Variants in GALNT13 observed in about 807,000 individuals in gnomAD.
GALNT13 encodes the protein polypeptide N-acetylgalactosaminyltransferase 13, also known as UDP-GalNAc:polypeptide N-acetylgalactosaminyltransferase 13.
A neutral mutation model predicts 64.2 loss-of-function variants in GALNT13; 28 were observed. That is an observed-to-expected ratio of 0.44 (90% CI 0.32 to 0.60). GALNT13 has a LOEUF of 0.60. Ranked by LOEUF, GALNT13 falls within the 20% of genes least tolerant of loss-of-function variation. The pLI is 0.05. For synonymous variants in GALNT13, 214 were observed against 224.6 expected (o/e 0.95, Z 0.42); for missense variants, 577 against 669.8 (o/e 0.86, Z 1.53).
chr2:153,786,629 C>G, the GALNT13 span, among the ~76,000 whole-genome samples: 1 of 151,828 alleles, frequency 6.6e-6, no homozygotes, highest in Non-Finnish European at 1.5e-5. Context: ...CTTTGACCCC[C>G]TCCTCCCCAA....
chr2:153,431,496 G>A, the GALNT13 span, among the ~76,000 whole-genome samples: 1 of 152,176 alleles, frequency 6.6e-6, no homozygotes, highest in Non-Finnish European at 1.5e-5. Context: ...AATTACAATT[G>A]CACAAAAACA....
At chr2:153,849,700 G>A in the GALNT13 span, among the ~76,000 whole-genome samples, 1 of 152,148 alleles carries the variant, frequency 6.6e-6, no homozygotes, top group African/African-American at 2.4e-5. Context: ...GGAGACAGAA[G>A]AAGAAGTTCA....
the GALNT13 span, among the ~76,000 whole-genome samples, chr2:153,313,098 A>T: frequency 6.6e-6 from 1 of 152,176 alleles, no homozygotes; most frequent in African/African-American, 2.4e-5. Context: ...TGGGAGTGTA[A>T]ATTAGTGCAT....
intron 9 of GALNT13, among the ~76,000 whole-genome samples, chr2:154,365,110 T>C (rs952851214): frequency 6.6e-6 from 1 of 152,196 alleles, no homozygotes; most frequent in Non-Finnish European, 1.5e-5. Flanking sequence ...CTAGTTGGGG[T>C]GATCTTCCCA....
At chr2:153,384,832 A>G in the GALNT13 span, among the ~76,000 whole-genome samples, 1 of 151,976 alleles carries the variant, frequency 6.6e-6, no homozygotes, top group Non-Finnish European at 1.5e-5. Flanking sequence ...GTTATTAAAT[A>G]TACAATTTAG....
At chr2:154,421,457 A>C (rs1700247076) in intron 11 of GALNT13, among the ~76,000 whole-genome samples, 1 of 152,130 alleles carries the variant, frequency 6.6e-6, no homozygotes, top group Non-Finnish European at 1.5e-5. Flanking sequence ...TAGACGTAGT[A>C]GTCATACTAT....
chr2:153,208,008 T>C, the GALNT13 span: 1 of 152,160 alleles, frequency 6.6e-6, no homozygotes, highest in African/African-American at 2.4e-5. Flanking sequence ...GTAGACATTC[T>C]TAAGGAACAT....
the GALNT13 span, among the ~76,000 whole-genome samples, chr2:153,535,502 C>T: frequency 2.6e-5 from 4 of 151,722 alleles, no homozygotes; most frequent in Middle Eastern, 3.4e-3. Context: ...TATGACTAGA[C>T]AGAAGATAGT....
the GALNT13 span, among the ~76,000 whole-genome samples, chr2:153,730,920 G>T: frequency 1.3e-5 from 2 of 151,858 alleles, no homozygotes; most frequent in African/African-American, 4.8e-5. Flanking sequence ...AGAGAAAAGG[G>T]CACTGTTATA....
At chr2:153,477,633 G>C in the GALNT13 span, 7 of 144,294 alleles carry the variant, frequency 4.9e-5, no homozygotes, top group African/African-American at 1.8e-4. Context: ...AGGCAAACAG[G>C]CCACTGGGGC....
the GALNT13 span, among the ~76,000 whole-genome samples, chr2:153,422,671 C>T: frequency 1.3e-5 from 2 of 152,006 alleles, no homozygotes; most frequent in East Asian, 1.9e-4. Context: ...TTAATGAAAA[C>T]TAGACCACAC....
chr2:153,379,048 T>C, the GALNT13 span, among the ~76,000 whole-genome samples: 12 of 152,082 alleles, frequency 7.9e-5, no homozygotes, highest in African/African-American at 2.9e-4. Flanking sequence ...GACCCAACCT[T>C]AGATCCTGGA....
chr2:153,768,899 C>G, the GALNT13 span, among the ~76,000 whole-genome samples: 1 of 152,106 alleles, frequency 6.6e-6, no homozygotes, highest in African/African-American at 2.4e-5. Flanking sequence ...TCTGTTTTAT[C>G]TAATGTAAGG....
the GALNT13 span, among the ~76,000 whole-genome samples, chr2:153,516,555 G>A: frequency 4.6e-5 from 7 of 152,104 alleles, no homozygotes; most frequent in African/African-American, 1.7e-4. Flanking sequence ...GGAATTTCCT[G>A]TCTGGTTTCT....
chr2:153,359,925 T>C, the GALNT13 span, among the ~76,000 whole-genome samples: 1 of 152,032 alleles, frequency 6.6e-6, no homozygotes, highest in African/African-American at 2.4e-5. Context: ...AAGAATTCCT[T>C]CAAAAGCCTC....
the GALNT13 span, among the ~76,000 whole-genome samples, chr2:153,715,833 CT>C: frequency 7.9e-3 from 1,076 of 137,014 alleles, 6 homozygotes; most frequent in African/African-American, 0.021. Flanking sequence ...CTTCTTCTTC[CT>C]TTTTTTTTTT....
the GALNT13 span, among the ~76,000 whole-genome samples, chr2:153,739,084 C>T: frequency 4.0e-5 from 6 of 151,814 alleles, no homozygotes; most frequent in African/African-American, 1.4e-4. Context: ...ACATTTCTCC[C>T]TCCAAATACT....
chr2:153,615,893 A>T, the GALNT13 span, among the ~76,000 whole-genome samples: 1 of 151,746 alleles, frequency 6.6e-6, no homozygotes, highest in African/African-American at 2.4e-5. Flanking sequence ...GGGTTGTCTC[A>T]CTACTTTGTT....
At chr2:153,870,076 C>T (rs1356946932), upstream of GALNT13, among the ~76,000 whole-genome samples, 1 of 151,856 alleles carries the variant, frequency 6.6e-6, no homozygotes, top group African/African-American at 2.4e-5. Flanking sequence ...TCCTAGATCT[C>T]TAAACCAAAC....
Sources: allele counts gnomAD v4.1 joint callset (sites outside exome capture counted in the v4.1 genomes callset), GRCh38; gene constraint gnomAD v4.1.1; transcripts MANE v1.5; gene names NCBI Gene and HGNC (gene_info 2026-07-23, HGNC 2026-07-21).